RNF212: variants seen among roughly 807,000 people sequenced by gnomAD.
RNF212 encodes the protein ring finger protein 212.
RNF212 carries 33 observed loss-of-function variants against 34.7 expected under a neutral mutation model. That is an observed-to-expected ratio of 0.95 (90% CI 0.72 to 1.27). The LOEUF is 1.27. Ranked by LOEUF, RNF212 falls within the 50% of genes most tolerant of loss-of-function variation. RNF212 has a pLI of 0.00. For synonymous variants in RNF212, 140 were observed against 136.1 expected (o/e 1.03, Z -0.20); for missense variants, 377 against 362.2 (o/e 1.04, Z -0.33).
At chr4:1,110,777 G>C (rs1424870351) in intron 1 of RNF212, among the ~76,000 whole-genome samples, 2 of 152,172 alleles carry the variant, frequency 1.3e-5, no homozygotes, top group Admixed American at 6.5e-5. Context: ...TACAGTCAAG[G>C]CTCTGCCCAG....
At chr4:1,088,155 T>C (rs1047572056) in intron 4 of RNF212, among the ~76,000 whole-genome samples, 1 of 152,194 alleles carries the variant, frequency 6.6e-6, no homozygotes, top group African/African-American at 2.4e-5. Flanking sequence ...TGGAACTTCC[T>C]AGAGAGTTGT....
chr4:1,079,686 A>G lies in RNF212; in HGVS notation c.467T>C (p.Leu156Pro). The G allele has an allele frequency of 6.2e-7, 1 of 1,610,302 alleles. No homozygotes were observed. The highest frequency in any genetic ancestry group is 8.5e-7 in the Non-Finnish European group (1 of 1,176,572). Residue 156 changes from leucine to proline, a missense_variant and splice_region_variant, in exon 8 of 10, where the codon CTG becomes CCG. Transcript: ENST00000433731. The stretch of plus-strand genomic sequence containing the variant: ...AGAGAGATCAACTTCCATCGACTCC[A>G]GTCTGTTAAACACATAGTGAAAGGC... ...LPPHSSAPDRLESMEVDLSPS... is the reference protein window; with the variant it reads ...LPPHSSAPDRPESMEVDLSPS...
At position 1,098,429 on chromosome 4, in the gene RNF212, C is replaced by T. The variant is rs546163102; in HGVS notation, c.172-1590G>A. 1.8e-3 allele frequency among the ~76,000 whole-genome samples: 277 copies of T among 152,316 alleles called. 1 individual carries two copies. Among genetic ancestry groups the T allele is most frequent in the Non-Finnish European group, 2.8e-3 (189 of 68,036 alleles). On this transcript the variant is annotated intron_variant, in intron 2 of 9. Coordinates refer to ENST00000433731, the MANE Select transcript of RNF212 (RefSeq NM_001131034.4). ...AGATGAAGAGGTCCTGGAATCCACT[C>T]CAGAATCCACTCCCAGGCTCCCAGA... is the stretch of plus-strand genomic sequence containing the variant.
chr4:1,070,996 G>A (rs576307239), downstream of RNF212, among the ~76,000 whole-genome samples: 55 of 149,464 alleles, frequency 3.7e-4, no homozygotes, highest in South Asian at 0.011. Context: ...TTTTTTCTGT[G>A]TGCTTGAAGT....
intron 3 of RNF212, among the ~76,000 whole-genome samples, chr4:1,061,450 G>A (rs1717742596): frequency 6.6e-6 from 1 of 152,330 alleles, no homozygotes; most frequent in East Asian, 1.9e-4. Flanking sequence ...GAACAAGAGA[G>A]CCAGACAGAG....
intron 4 of RNF212, among the ~76,000 whole-genome samples, chr4:1,089,533 A>G (rs1423923765): frequency 6.6e-6 from 1 of 152,128 alleles, no homozygotes; most frequent in African/African-American, 2.4e-5. Flanking sequence ...ATGAGTTAAA[A>G]CTTTGGGGGA....
At chr4:1,079,300 A>G (rs1272917894) in intron 8 of RNF212, among the ~76,000 whole-genome samples, 1 of 152,252 alleles carries the variant, frequency 6.6e-6, no homozygotes, top group Admixed American at 6.5e-5. Context: ...CCAACATGGG[A>G]CCAACATAGA....
chr4:1,084,846 C>T (rs1389437526), intron 5 of RNF212, among the ~76,000 whole-genome samples: 1 of 152,104 alleles, frequency 6.6e-6, no homozygotes, highest in Non-Finnish European at 1.5e-5. Context: ...CAACACAAGC[C>T]CATGGCAACT....
rs186021091 is a variant in RNF212 at position 1,104,471 on chromosome 4, T to C, written c.171+3872A>G. On this transcript the variant is annotated intron_variant, in intron 2 of 9. Transcript: ENST00000433731. ...GTGACAGAAGGGCAGTGGAGGGCTGTCCAGGAGGCTGTTTTTATGGGCCAG... is the reference window on the plus strand; with the variant it reads ...GTGACAGAAGGGCAGTGGAGGGCTGCCCAGGAGGCTGTTTTTATGGGCCAG... Among the ~76,000 whole-genome samples the C allele has an allele frequency of 4.8e-3, 736 of 152,304 alleles. 4 individuals carry two copies. Among genetic ancestry groups the C allele is most frequent in the Middle Eastern group, 0.017 (5 of 294 alleles).
At chr4:1,065,276 G>A (rs538874441) in intron 3 of RNF212, among the ~76,000 whole-genome samples, 2 of 152,250 alleles carry the variant, frequency 1.3e-5, no homozygotes, top group Admixed American at 1.3e-4. Flanking sequence ...CAATTCCTCC[G>A]CGTCCTTAAC....
chr4:1,086,179 T>A (rs559659847), intron 4 of RNF212, among the ~76,000 whole-genome samples: 1 of 152,022 alleles, frequency 6.6e-6, no homozygotes, highest in Non-Finnish European at 1.5e-5. Flanking sequence ...AGGGGACAAA[T>A]CTCAGTGCTG....
At chr4:1,077,184 C>T (rs1719451300) in intron 8 of RNF212, among the ~76,000 whole-genome samples, 2 of 152,122 alleles carry the variant, frequency 1.3e-5, no homozygotes, top group African/African-American at 2.4e-5. Context: ...GCCGAGATCT[C>T]GCCACTGCAC....
intron 4 of RNF212, 24 bp from the exon 5 acceptor site, chr4:1,085,978 T>C: frequency 6.5e-7 from 1 of 1,542,654 alleles, no homozygotes; most frequent in Non-Finnish European, 9.0e-7. Flanking sequence ...CACAACCTCT[T>C]GTTATCAGAC....
At chr4:1,067,385 C>T, downstream of RNF212, among the ~76,000 whole-genome samples, 1 of 152,054 alleles carries the variant, frequency 6.6e-6, no homozygotes, top group East Asian at 1.9e-4. Context: ...TATCAATGGA[C>T]TATCAAATCA....
chr4:1,076,581 A>T (rs1417182492), intron 8 of RNF212, among the ~76,000 whole-genome samples: 1 of 152,142 alleles, frequency 6.6e-6, no homozygotes, highest in African/African-American at 2.4e-5. Flanking sequence ...GTGTCCCAGA[A>T]CCTCTGCTCA....
intron 2 of RNF212, among the ~76,000 whole-genome samples, chr4:1,106,773 C>A (rs1724895786): frequency 6.6e-6 from 1 of 152,196 alleles, no homozygotes; most frequent in Non-Finnish European, 1.5e-5. Flanking sequence ...GGCACTGAGC[C>A]TCTAAGCTGC....
chr4:1,087,767 G>GT (rs1375906662), intron 4 of RNF212, among the ~76,000 whole-genome samples: 1 of 151,858 alleles, frequency 6.6e-6, no homozygotes, highest in African/African-American at 2.4e-5. Context: ...CCCCCATGCT[G>GT]TTCTCATGAC....
intron 2 of RNF212, among the ~76,000 whole-genome samples, chr4:1,097,064 C>A (rs1197217757): frequency 6.6e-6 from 1 of 152,148 alleles, no homozygotes; most frequent in African/African-American, 2.4e-5. Context: ...GTGGTGAGGG[C>A]CAGGAGGCAG....
At chr4:1,085,190 C>T (rs1350071818) in intron 5 of RNF212, among the ~76,000 whole-genome samples, 3 of 152,228 alleles carry the variant, frequency 2.0e-5, no homozygotes, top group East Asian at 1.9e-4. Context: ...CATTGCTGAG[C>T]GTAATATGTG....
Sources: gnomAD v4.1 joint callset for allele counts (sites outside exome capture counted in the v4.1 genomes callset) on GRCh38, gnomAD v4.1.1 for gene constraint, MANE v1.5 for transcripts, NCBI Gene and HGNC (gene_info 2026-07-23, HGNC 2026-07-21) for gene names.